The following CYLC1 variants were observed in gnomAD, a reference collection of about 807,000 sequenced individuals.
CYLC1 encodes the protein cylicin 1, also known as cylicin-1.
CYLC1 carries 2 observed loss-of-function variants against 31.6 expected under a neutral mutation model. The observed-to-expected ratio is 0.06, with a 90% CI of 0.03 to 0.20. The LOEUF (loss-of-function observed/expected upper bound fraction) is 0.20. Among genes scored for constraint, CYLC1 ranks in the 10% least tolerant of loss-of-function variants. The pLI is 1.00. For synonymous variants in CYLC1, 185 were observed against 153.0 expected, an observed-to-expected ratio of 1.21 and a Z score of -1.54; for missense variants, 595 against 424.1, an observed-to-expected ratio of 1.40 and a Z score of -3.54.
Position 83,873,190 on chromosome X carries a change from C to G in CYLC1, c.482C>G (p.Thr161Ser), listed in dbSNP as rs2031698688. The G allele has an allele frequency of 8.3e-7, 1 of 1,205,912 alleles. No homozygotes were observed. Among genetic ancestry groups the G allele is most frequent in the African/African-American group, 1.7e-5 (1 of 57,458 alleles). ...KTKRQNEADKTPLKSSHENEQ... is the reference protein window; with the variant it reads ...KTKRQNEADKSPLKSSHENEQ... ...AAAAGACAAAATGAGGCAGATAAAA[C>G]TCCCTTAAAATCATCACATGAAAAT... is the stretch of plus-strand genomic sequence containing the variant. The change falls in exon 4 of 5, where the codon ACT becomes AGT. Residue 161 changes from threonine (T) to serine (S), a missense_variant. Physicochemically the swap from Thr to Ser is moderately conservative, Grantham distance 58 (BLOSUM62 1). Transcript: ENST00000329312.
chrX:83,874,101 A>G lies in CYLC1; in HGVS notation c.1393A>G (p.Lys465Glu). 1.7e-6 allele frequency: 2 copies of G among 1,204,262 alleles called. No individual in the cohort carries two copies. Among genetic ancestry groups the G allele is most frequent in the South Asian group, 1.8e-5 (1 of 55,364 alleles). Residue 465 changes from lysine to glutamate, a missense_variant, in exon 4 of 5, where the codon AAG becomes GAG. Coordinates refer to ENST00000329312, the MANE Select transcript of CYLC1 (RefSeq NM_021118.3). ...GGGTAAAAAGGATGAAAAGAAGGGG[A>G]AGAAAGATTCAAAGAAAGATGACAA... ...KKGKKDEKKGKKDSKKDDKKK... is the reference protein window; with the variant it reads ...KKGKKDEKKGEKDSKKDDKKK...
At chrX:83,875,924 G>C (rs1441207995) in intron 4 of CYLC1, among the ~76,000 whole-genome samples, 4 of 110,057 alleles carry the variant, frequency 3.6e-5, no homozygotes, top group Non-Finnish European at 7.6e-5. Context: ...GATACAGCTA[G>C]TTCTTGACCC....
chrX:83,872,150 T>C (rs1431992567), intron 3 of CYLC1, among the ~76,000 whole-genome samples: 1 of 111,129 alleles, frequency 9.0e-6, no homozygotes, highest in African/African-American at 3.3e-5. Context: ...ATCTTTTAAT[T>C]CCATATTACC....
At chrX:83,877,248 C>G (rs2031777382) in intron 4 of CYLC1, among the ~76,000 whole-genome samples, 1 of 110,913 alleles carries the variant, frequency 9.0e-6, no homozygotes, top group Non-Finnish European at 1.9e-5. Flanking sequence ...TCCTTATCTC[C>G]ATTACTACCA....
At chrX:83,878,076 A>G (rs1485284635) in intron 4 of CYLC1, among the ~76,000 whole-genome samples, 4 of 60,825 alleles carry the variant, frequency 6.6e-5, no homozygotes, top group African/African-American at 2.7e-4. Flanking sequence ...ATATATATAT[A>G]AAAATATATA....
chrX:83,872,716 C>T (rs1290858951), intron 3 of CYLC1, among the ~76,000 whole-genome samples, 170 bp from the exon 4 acceptor site: 6 of 56,674 alleles, frequency 1.1e-4, no homozygotes, highest in Non-Finnish European at 2.0e-4. Context: ...CTGTCTCTCT[C>T]TTACACACAC....
chrX:83,873,082 C>T lies in CYLC1; in HGVS notation c.374C>T (p.Thr125Ile). The change falls in exon 4 of 5, where the codon ACA becomes ATA. Residue 125 changes from threonine to isoleucine, a missense_variant. Physicochemically the swap from Thr to Ile is moderately conservative, Grantham distance 89. Transcript: ENST00000329312. The stretch of plus-strand genomic sequence containing the variant: ...AAGTCCAAAGATGAAAAAGGAGGAA[C>T]ACCTTTGAAGAAAGATTCCAAGAAA... ...YKKSKDEKGGTPLKKDSKKKG... is the reference protein window; with the variant it reads ...YKKSKDEKGGIPLKKDSKKKG... 2.5e-6 allele frequency: 3 copies of T among 1,196,553 alleles called. No homozygotes were observed. Among genetic ancestry groups the T allele is most frequent in the African/African-American group, 1.8e-5 (1 of 56,640 alleles).
intron 4 of CYLC1, among the ~76,000 whole-genome samples, chrX:83,878,015 TAA>T (rs1159916983): frequency 1.5e-5 from 1 of 66,597 alleles, no homozygotes; most frequent in Non-Finnish European, 2.5e-5. Context: ...AATATATATA[TAA>T]AAATATATAT....
intron 4 of CYLC1, 88 bp from the exon 5 acceptor site, chrX:83,886,464 G>A (rs1485038442): frequency 1.4e-5 from 12 of 865,449 alleles, no homozygotes; most frequent in Admixed American, 1.2e-4. Flanking sequence ...CTGTGCTTTC[G>A]TGTGATCCTT....
At chrX:83,876,370 A>AGAT (rs1276397550) in intron 4 of CYLC1, among the ~76,000 whole-genome samples, 1 of 111,248 alleles carries the variant, frequency 9.0e-6, no homozygotes, top group African/African-American at 3.3e-5. Context: ...ATAATTTTTA[A>AGAT]GATAAGTAAG....
At chrX:83,862,028 G>T (rs1056655833) in intron 1 of CYLC1, among the ~76,000 whole-genome samples, 1 of 111,326 alleles carries the variant, frequency 9.0e-6, no homozygotes, top group African/African-American at 3.3e-5. Context: ...AATCTTAATT[G>T]CCAGTAAACT....
chrX:83,883,822 G>T (rs1003968630), intron 4 of CYLC1, among the ~76,000 whole-genome samples: 3 of 111,686 alleles, frequency 2.7e-5, no homozygotes, highest in Non-Finnish European at 3.8e-5. Context: ...ATGAATGAAA[G>T]AATTTCTTGG....
chrX:83,871,429 G>A (rs753775166), intron 2 of CYLC1, 23 bp from the exon 3 acceptor site: 3 of 1,128,366 alleles, frequency 2.7e-6, no homozygotes, highest in East Asian at 3.0e-5. Context: ...ACTCCAAATT[G>A]TTTATTATCC....
At position 83,873,544 on chromosome X, in the gene CYLC1, A is replaced by C. The variant is rs2031706882; in HGVS notation, c.836A>C (p.Lys279Thr). Residue 279 changes from lysine (K) to threonine (T), a missense_variant, in exon 4 of 5, where the codon AAG becomes ACG. Lys to Thr is a moderately conservative substitution (Grantham distance 78, BLOSUM62 -1). Coordinates refer to ENST00000329312, the MANE Select transcript of CYLC1 (RefSeq NM_021118.3). ...AATAATTCAAAGAATTATTCTTTGA[A>C]GTATACAAAGTATACAAAGAAGGAC... ...SQNNSKNYSL[K>T]YTKYTKKDTK... 8.4e-7 allele frequency: 1 copy of C among 1,186,379 alleles called. No individual in the cohort carries two copies. The highest frequency in any genetic ancestry group is 1.1e-6 in the Non-Finnish European group (1 of 879,177).
In CYLC1 at chrX:83,872,999, G is replaced by C; in HGVS notation, c.291G>C (p.Gln97His). 1 of 1,205,588 alleles carries C rather than the reference G, an allele frequency of 8.3e-7. No homozygotes were observed. Among genetic ancestry groups the C allele is most frequent in the Non-Finnish European group, 1.1e-6 (1 of 892,414 alleles). The stretch of plus-strand genomic sequence containing the variant: ...CCATTTACACAGCTGCCAGGGAACA[G>C]ACTCCATTCAGACATCTTTATACTT... ...WPPIYTAARE[Q>H]TPFRHLYTSK... The change falls in exon 4 of 5, where the codon CAG (glutamine) becomes CAC (histidine). Residue 97 changes from glutamine (Q) to histidine (H), a missense_variant. Coordinates refer to ENST00000329312, the MANE Select transcript of CYLC1 (RefSeq NM_021118.3).
At chrX:83,884,955 C>A (rs1047676564) in intron 4 of CYLC1, among the ~76,000 whole-genome samples, 5 of 111,088 alleles carry the variant, frequency 4.5e-5, no homozygotes, top group African/African-American at 1.6e-4. Context: ...GAAAAAAATT[C>A]TACCAGCTAC....
At position 83,873,192 on chromosome X, in the gene CYLC1, C is replaced by T; in HGVS notation, c.484C>T (p.Pro162Ser). ...TKRQNEADKT[P>S]LKSSHENEQS... ...AAGACAAAATGAGGCAGATAAAACTCCCTTAAAATCATCACATGAAAATGA... is the reference window on the plus strand; with the variant it reads ...AAGACAAAATGAGGCAGATAAAACTTCCTTAAAATCATCACATGAAAATGA... The change falls in exon 4 of 5, where the codon CCC (proline) becomes TCC (serine). Residue 162 changes from proline to serine, a missense_variant. Coordinates refer to ENST00000329312, the MANE Select transcript of CYLC1 (RefSeq NM_021118.3). 1 of 1,205,254 alleles carries T rather than the reference C, an allele frequency of 8.3e-7. No individual in the cohort carries two copies. The highest frequency in any genetic ancestry group is 1.1e-6 in the Non-Finnish European group (1 of 892,067).
chrX:83,865,797 C>T (rs1273104256), intron 1 of CYLC1, among the ~76,000 whole-genome samples: 1 of 111,598 alleles, frequency 9.0e-6, no homozygotes, highest in Non-Finnish European at 1.9e-5. Context: ...TGTCATAACA[C>T]TGAGGACCCA....
chrX:83,884,944 G>C (rs1242553741), intron 4 of CYLC1, among the ~76,000 whole-genome samples: 1 of 110,307 alleles, frequency 9.1e-6, no homozygotes, highest in Non-Finnish European at 1.9e-5. Context: ...TTTCCTATAT[G>C]GAAAAAAATT....
Sources: allele counts gnomAD v4.1 joint callset (sites outside exome capture counted in the v4.1 genomes callset), GRCh38; gene constraint gnomAD v4.1.1; transcripts MANE v1.5; gene names NCBI Gene and HGNC (gene_info 2026-07-23, HGNC 2026-07-21).